The following PIK3R1 variants were observed in gnomAD, a reference collection of about 807,000 sequenced individuals.
PIK3R1 encodes phosphatidylinositol 3-kinase regulatory subunit alpha.
A neutral mutation model predicts 98.0 loss-of-function variants in PIK3R1; 29 were observed. That is an observed-to-expected ratio of 0.30 (90% CI 0.22 to 0.40). The LOEUF (loss-of-function observed/expected upper bound fraction) is 0.40, where lower values mean the gene tolerates loss of function less well. Ranked by LOEUF, PIK3R1 falls within the 10% of genes least tolerant of loss-of-function variation. The pLI, the probability that PIK3R1 is intolerant of heterozygous loss-of-function variation, is 1.00. For missense variants in PIK3R1, 596 were observed against 872.7 expected (o/e 0.68, Z 3.99); for synonymous variants, 282 against 311.8 (o/e 0.90, Z 1.01).
intron 2 of PIK3R1, among the ~76,000 whole-genome samples, chr5:68,257,923 C>G (rs2112094414): frequency 6.6e-6 from 1 of 152,306 alleles, no homozygotes; most frequent in South Asian, 2.1e-4. Context: ...TTGCCACTTC[C>G]AGTTTCTGAC....
At chr5:68,233,127 T>G (rs1744544373) in intron 2 of PIK3R1, among the ~76,000 whole-genome samples, 1 of 152,222 alleles carries the variant, frequency 6.6e-6, no homozygotes, top group Non-Finnish European at 1.5e-5. Context: ...TTACATCTGC[T>G]AAGTAGCACC....
chr5:68,246,697 CACTGCAAGCTCCGCCTCCT>C (rs998696451), intron 2 of PIK3R1, among the ~76,000 whole-genome samples: 145 of 152,298 alleles, frequency 9.5e-4, no homozygotes, highest in Admixed American at 5.2e-4. Flanking sequence ...GATCTTGGCT[CACTGCAAGCTCCGCCTCCT>C]GGGTTCACGC....
chr5:68,244,254 C>A (rs1744980157), intron 2 of PIK3R1, among the ~76,000 whole-genome samples: 1 of 152,094 alleles, frequency 6.6e-6, no homozygotes, highest in African/African-American at 2.4e-5. Flanking sequence ...TGCATAGGTA[C>A]AGGACTTGAG....
Position 68,271,302 on chromosome 5 carries a change from A to G in PIK3R1, c.335-2088A>G, listed in dbSNP as rs560110182. ...TTAATGGCCAGTCGTTTGTGCTTCT[A>G]TGAAACCTAAGATGTGTTACAGTGA... On this transcript the variant is annotated intron_variant, in intron 2 of 15. Coordinates refer to ENST00000521381, the MANE Select transcript of PIK3R1 (RefSeq NM_181523.3). 3.9e-4 allele frequency among the ~76,000 whole-genome samples: 59 copies of G among 152,318 alleles called. No homozygotes were observed. The Middle Eastern group carries it at 0.014, about 35-fold the overall frequency.
chr5:68,251,179 T>C (rs1262611520), intron 2 of PIK3R1, among the ~76,000 whole-genome samples: 1 of 152,188 alleles, frequency 6.6e-6, no homozygotes. Context: ...ACAGTGGTTA[T>C]ATTAGTTACT....
intron 2 of PIK3R1, among the ~76,000 whole-genome samples, chr5:68,231,169 A>G (rs1035776857): frequency 2.0e-5 from 3 of 152,214 alleles, no homozygotes; most frequent in Non-Finnish European, 2.9e-5. Context: ...GTTTTAACTC[A>G]TACTTTGAGA....
chr5:68,226,273 G>A lies in PIK3R1; in HGVS notation c.-386-17G>A, dbSNP rs369176179. 8.3e-5 allele frequency: 34 copies of A among 410,168 alleles called. 1 individual carries two copies. In the Middle Eastern group the frequency reaches 1.9e-3, roughly 23 times the overall value. 25.4% of individuals were successfully genotyped at this position (410,168 alleles called of 1,614,324 possible). On this transcript the variant is annotated splice_polypyrimidine_tract_variant and intron_variant, in intron 1 of 15. Transcript: ENST00000521381. ...AGTGTGCTGTTCATTCTTAAGTCTC[G>A]TTTTTTTCATTCCTAGGTGAAGCTC...
chr5:68,289,762 A>C (rs1580256814), intron 7 of PIK3R1, among the ~76,000 whole-genome samples: 1 of 76,272 alleles, frequency 1.3e-5, no homozygotes, highest in African/African-American at 1.1e-4. Flanking sequence ...GGAAAAGCAA[A>C]AAAAAAAAAA....
intron 2 of PIK3R1, among the ~76,000 whole-genome samples, chr5:68,251,514 A>T (rs1468944995): frequency 4.6e-5 from 7 of 151,640 alleles, no homozygotes; most frequent in Non-Finnish European, 8.8e-5. Flanking sequence ...AACGTTTGTA[A>T]GCCGTTCACT....
intron 7 of PIK3R1, among the ~76,000 whole-genome samples, chr5:68,290,188 G>T (rs1006802853): frequency 4.6e-5 from 7 of 152,176 alleles, no homozygotes; most frequent in Non-Finnish European, 4.4e-5. Flanking sequence ...AAAATACCAG[G>T]AGTAGTCCGT....
Position 68,292,254 on chromosome 5 carries a change from T to G in PIK3R1, c.917-5T>G. On this transcript the variant is annotated splice_region_variant and splice_polypyrimidine_tract_variant and intron_variant, in intron 7 of 15. Transcript: ENST00000521381. ...TGCGAACAACTTTTTCTTTTTCATC[T>G]GCAGCACTGCCTCCTAAACCACCAA... The G allele has an allele frequency of 6.2e-7, 1 of 1,600,500 alleles. No homozygotes were observed. Among genetic ancestry groups the G allele is most frequent in the Non-Finnish European group, 8.5e-7 (1 of 1,170,596 alleles).
At chr5:68,283,937 C>T (rs1245328746) in intron 7 of PIK3R1, among the ~76,000 whole-genome samples, 1 of 152,212 alleles carries the variant, frequency 6.6e-6, no homozygotes, top group African/African-American at 2.4e-5. Context: ...AAATTAGCCC[C>T]CATGGGTCAC....
At position 68,300,357 on chromosome 5, in the gene PIK3R1, G is replaced by C; in HGVS notation, c.*2756G>C. 4.3e-6 allele frequency: 1 copy of C among 233,000 alleles called. No individual in the cohort carries two copies. The highest frequency in any genetic ancestry group is 6.1e-5 in the East Asian group (1 of 16,516). 14.4% of individuals were successfully genotyped at this position (233,000 alleles called of 1,614,324 possible). A position where few individuals can be genotyped will look rare whatever the true frequency, so the allele number is the denominator to read the frequency against. Reference sequence around the variant, plus strand: ...CGGCCACTTTGGATTTCATCAGACAGTCCTAACAATATTGTCTGAACGGCT... The same window carrying C: ...CGGCCACTTTGGATTTCATCAGACACTCCTAACAATATTGTCTGAACGGCT... On this transcript the variant is annotated 3_prime_UTR_variant, in exon 16 of 16. Transcript: ENST00000521381.
intron 11 of PIK3R1, among the ~76,000 whole-genome samples, chr5:68,294,295 G>A (rs760226569): frequency 2.0e-5 from 3 of 152,224 alleles, no homozygotes; most frequent in Non-Finnish European, 4.4e-5. Context: ...CAACAGGGAT[G>A]CTATAAACTA....
rs541259774 is a variant in PIK3R1, at chr5:68,236,264, T to G, written c.334+9255T>G. Among the ~76,000 whole-genome samples, 5 of 151,820 alleles carry G rather than the reference T, an allele frequency of 3.3e-5. No individual in the cohort carries two copies. The East Asian group carries it at 5.9e-4, about 18-fold the overall frequency. On this transcript the variant is annotated intron_variant, in intron 2 of 15. Transcript: ENST00000521381. Reference sequence around the variant, plus strand: ...CCTTTTTTTGTTTGTTTGTTTGTTTTTTTGAGATGGAGTCTCGCTCTGTCG... The same window carrying G: ...CCTTTTTTTGTTTGTTTGTTTGTTTGTTTGAGATGGAGTCTCGCTCTGTCG...
At chr5:68,286,416 A>G (rs907234806) in intron 7 of PIK3R1, among the ~76,000 whole-genome samples, 1 of 152,202 alleles carries the variant, frequency 6.6e-6, no homozygotes, top group African/African-American at 2.4e-5. Flanking sequence ...TATGTACATT[A>G]GTTGGTGTCA....
chr5:68,271,407 A>G (rs1334721372), intron 2 of PIK3R1, among the ~76,000 whole-genome samples: 8 of 152,208 alleles, frequency 5.3e-5, no homozygotes, highest in Admixed American at 5.2e-4. Context: ...GATTAGCTCT[A>G]TGTTAAGATG....
At chr5:68,267,928 C>G (rs929495823) in intron 2 of PIK3R1, among the ~76,000 whole-genome samples, 1 of 152,080 alleles carries the variant, frequency 6.6e-6, no homozygotes, top group African/African-American at 2.4e-5. Flanking sequence ...GTATTGAGAA[C>G]AGTCTAAGTA....
At chr5:68,235,054 T>G (rs1428688158) in intron 2 of PIK3R1, among the ~76,000 whole-genome samples, 1 of 152,172 alleles carries the variant, frequency 6.6e-6, no homozygotes, top group African/African-American at 2.4e-5. Context: ...ATGTTAACTT[T>G]TTAGCTATTG....
Sources: gnomAD v4.1 joint callset for allele counts (sites outside exome capture counted in the v4.1 genomes callset) on GRCh38, gnomAD v4.1.1 for gene constraint, MANE v1.5 for transcripts, NCBI Gene and HGNC (gene_info 2026-07-23, HGNC 2026-07-21) for gene names.